PDE6A: variants seen among roughly 807,000 people sequenced by gnomAD.
PDE6A encodes the protein phosphodiesterase 6A.
In PDE6A, 84 loss-of-function variants were observed where a neutral mutation model predicts 106.3. The ratio of observed to expected loss-of-function variants is 0.79; its 90% CI spans 0.66 to 0.95. The LOEUF (loss-of-function observed/expected upper bound fraction) is 0.95, where lower values mean the gene tolerates loss of function less well. PDE6A is among the 40% of genes least tolerant of loss of function. The probability of loss-of-function intolerance (pLI) is 0.00; values close to 1 mark genes in which losing one functional copy is unlikely to be tolerated. For synonymous variants in PDE6A, 394 were observed against 386.6 expected (o/e 1.02, Z -0.23); for missense variants, 1,052 against 1,084.9 (o/e 0.97, Z 0.43).
At chr5:149,943,529 CA>C (rs1441344464) in intron 1 of PDE6A, among the ~76,000 whole-genome samples, 1 of 152,206 alleles carries the variant, frequency 6.6e-6, no homozygotes, top group African/African-American at 2.4e-5. Context: ...CTATGTTGCA[CA>C]AGCTGGTCTC....
Position 149,907,362 on chromosome 5 carries a change from G to T in PDE6A, c.1015C>A (p.His339Asn), listed in dbSNP as rs141142265. The change falls in exon 7 of 22, where the codon CAT becomes AAT. Residue 339 changes from histidine to asparagine, a missense_variant. By Grantham distance (68) the His-to-Asn change is moderately conservative. Coordinates refer to ENST00000255266, the MANE Select transcript of PDE6A (RefSeq NM_000440.3). Reference protein sequence around the residue: ...IKVIPNPPPDHWALVSGLPAY... With the variant: ...IKVIPNPPPDNWALVSGLPAY... ...GGGAGACCGCTTACTAAAGCCCAAT[G>T]GTCAGGAGGTGGATTCCTGTGAAGG... The T allele has an allele frequency of 9.9e-5, 160 of 1,613,838 alleles. No individual in the cohort carries two copies. Among genetic ancestry groups the T allele is most frequent in the Non-Finnish European group, 1.3e-4 (149 of 1,179,854 alleles).
intron 6 of PDE6A, among the ~76,000 whole-genome samples, chr5:149,913,131 C>T (rs1195096968): frequency 6.6e-6 from 1 of 152,092 alleles, no homozygotes; most frequent in African/African-American, 2.4e-5. Flanking sequence ...CCAGTAATCC[C>T]AGCACTTTGG....
intron 5 of PDE6A, among the ~76,000 whole-genome samples, chr5:149,920,975 A>AAAG (rs1753697400): frequency 1.5e-5 from 2 of 132,266 alleles, no homozygotes; most frequent in Admixed American, 7.4e-5. Flanking sequence ...AGAAAGAAAG[A>AAAG]AAGAAAGAAA....
intron 6 of PDE6A, among the ~76,000 whole-genome samples, chr5:149,909,862 A>G (rs528937154): frequency 6.6e-6 from 1 of 152,308 alleles, no homozygotes; most frequent in East Asian, 1.9e-4. Flanking sequence ...GGTATTTCTT[A>G]GTTCCCAAGC....
chr5:149,863,054 G>A lies in PDE6A; in HGVS notation c.2506+65C>T. The A allele has an allele frequency of 1.3e-6, 2 of 1,587,030 alleles. No individual in the cohort carries two copies. Among genetic ancestry groups the A allele is most frequent in the Non-Finnish European group, 1.7e-6 (2 of 1,155,450 alleles). ...ACTCCGTGTAAGAGTCTCTGAGGCA[G>A]GACGCAGACACTGAGTGCTCAGGGA... On this transcript the variant is annotated intron_variant, in intron 21 of 21. Coordinates refer to ENST00000255266, the MANE Select transcript of PDE6A (RefSeq NM_000440.3). The surrounding 1 kb of genome is among the most constrained non-coding windows in gnomAD (Gnocchi z 4.7).
chr5:149,887,919 A>AT (rs1221582707), intron 13 of PDE6A, among the ~76,000 whole-genome samples: 1 of 152,084 alleles, frequency 6.6e-6, no homozygotes, highest in African/African-American at 2.4e-5. Context: ...ACTTCTGTAG[A>AT]TTTTATGCTG....
intron 5 of PDE6A, among the ~76,000 whole-genome samples, chr5:149,916,745 CAG>C (rs953170173): frequency 1.1e-4 from 16 of 152,136 alleles, no homozygotes; most frequent in African/African-American, 3.9e-4. Context: ...AGCTGAGACA[CAG>C]AGAGAGGAAA....
At chr5:149,903,879 C>T (rs183011074) in intron 7 of PDE6A, among the ~76,000 whole-genome samples, 184 bp from the exon 8 acceptor site, 14 of 152,290 alleles carry the variant, frequency 9.2e-5, no homozygotes, top group African/African-American at 3.4e-4. Context: ...GAAAAGTCAC[C>T]TTATAAACAT....
intron 6 of PDE6A, among the ~76,000 whole-genome samples, chr5:149,913,381 TAAA>T (rs11343433): frequency 1.5e-4 from 20 of 137,442 alleles, no homozygotes; most frequent in Admixed American, 2.2e-4. Context: ...GACTCCATCT[TAAA>T]AAAAAAAAAA....
chr5:149,908,129 A>G (rs1392751583), intron 6 of PDE6A, among the ~76,000 whole-genome samples: 1 of 152,190 alleles, frequency 6.6e-6, no homozygotes, highest in Admixed American at 6.5e-5. Flanking sequence ...GCACTGTACA[A>G]CGTATATTAT....
chr5:149,915,030 T>TA, intron 5 of PDE6A, 23 bp from the exon 6 acceptor site: 61 of 1,327,686 alleles, frequency 4.6e-5, no homozygotes, highest in Non-Finnish European at 5.2e-5. Flanking sequence ...AGAAAAATTA[T>TA]ACTTTTTTTT....
chr5:149,865,018 T>A (rs1176371772), intron 20 of PDE6A, among the ~76,000 whole-genome samples: 1 of 152,112 alleles, frequency 6.6e-6, no homozygotes, highest in African/African-American at 2.4e-5. Context: ...GGCGGGTGGA[T>A]CGTTTGAGGC....
chr5:149,892,551 G>A (rs540351599), intron 13 of PDE6A, among the ~76,000 whole-genome samples: 3 of 138,124 alleles, frequency 2.2e-5, no homozygotes, highest in Non-Finnish European at 3.1e-5. Flanking sequence ...TAGTGCAGTT[G>A]TGCCATCACA....
intron 20 of PDE6A, among the ~76,000 whole-genome samples, chr5:149,864,243 AT>A (rs35610529): frequency 0.49 from 72,844 of 148,266 alleles, 19,164 homozygotes; most frequent in African/African-American, 0.71. Flanking sequence ...TGAGAAGATG[AT>A]TTTTTTTTTT....
At chr5:149,915,906 C>G (rs938422141) in intron 5 of PDE6A, among the ~76,000 whole-genome samples, 4 of 152,072 alleles carry the variant, frequency 2.6e-5, no homozygotes, top group African/African-American at 4.8e-5. Flanking sequence ...ACTCATCAGT[C>G]AAAACTTGCC....
In PDE6A at chr5:149,859,989, C is replaced by A. The variant is rs1490380979; in HGVS notation, c.*906G>T. ...GCATGATCTCAGCTCACTGCAACTT[C>A]CGCCTCCTGGGTTCAAGAGATCCTC... On this transcript the variant is annotated 3_prime_UTR_variant, in exon 22 of 22. Transcript: ENST00000255266. The A allele has an allele frequency of 4.6e-5, 7 of 152,240 alleles. No individual in the cohort carries two copies. Among genetic ancestry groups the A allele is most frequent in the Admixed American group, 4.6e-4 (7 of 15,276 alleles). 9.4% of individuals were successfully genotyped at this position (152,240 alleles called of 1,614,324 possible).
chr5:149,929,654 A>G (rs1379772880), intron 4 of PDE6A, among the ~76,000 whole-genome samples: 5 of 149,206 alleles, frequency 3.4e-5, no homozygotes, highest in Admixed American at 6.7e-5. Context: ...AAGAAGCCAA[A>G]CACAAAAGCA....
intron 17 of PDE6A, among the ~76,000 whole-genome samples, chr5:149,869,771 C>T (rs1760468487): frequency 6.6e-6 from 1 of 152,084 alleles, no homozygotes; most frequent in Non-Finnish European, 1.5e-5. Context: ...AGTAATTCAG[C>T]AGGAGGGCAG....
chr5:149,893,253 A>C (rs188601207), intron 13 of PDE6A, among the ~76,000 whole-genome samples: 1 of 152,016 alleles, frequency 6.6e-6, no homozygotes, highest in African/African-American at 2.4e-5. Flanking sequence ...CTACCGCAAA[A>C]CTTTAGGGCC....
Sources: allele counts gnomAD v4.1 joint callset (sites outside exome capture counted in the v4.1 genomes callset), GRCh38; gene constraint gnomAD v4.1.1; non-coding constraint Gnocchi (gnomAD v3.1); transcripts MANE v1.5; gene names NCBI Gene and HGNC (gene_info 2026-07-23, HGNC 2026-07-21).